Variants in PCYT1B observed in about 807,000 individuals in gnomAD.
PCYT1B encodes phosphate cytidylyltransferase 1B, choline.
A neutral mutation model predicts 26.4 loss-of-function variants in PCYT1B; 10 were observed. That is an observed-to-expected ratio of 0.38 (90% CI 0.23 to 0.64). The LOEUF is 0.64. Ranked by LOEUF, PCYT1B falls within the 30% of genes least tolerant of loss-of-function variation. The pLI is 0.56. For missense variants in PCYT1B, 161 were observed against 292.7 expected (o/e 0.55, Z 3.28); for synonymous variants, 131 against 108.4 (o/e 1.21, Z -1.29).
rs1240429836 is a variant in PCYT1B, at chrX:24,586,951, G to A, written c.565+290C>T. Among the ~76,000 whole-genome samples, 3 of 111,926 alleles carry A rather than the reference G, an allele frequency of 2.7e-5. No individual in the cohort carries two copies. The South Asian group carries it at 1.1e-3, about 42-fold the overall frequency. On this transcript the variant is annotated intron_variant, in intron 5 of 7. Transcript: ENST00000379144. The stretch of plus-strand genomic sequence containing the variant: ...AATGAGGAAAATGGCTGCCATTTAA[G>A]TAATGGGGTCCTGCACTTTTCGTCT...
chrX:24,654,191 G>A (rs758639468), intron 1 of PCYT1B, among the ~76,000 whole-genome samples: 1 of 89,008 alleles, frequency 1.1e-5, no homozygotes, highest in African/African-American at 4.3e-5. Flanking sequence ...TGCAACCTCT[G>A]CCTCCCAGGT....
chrX:24,630,978 A>T (rs1468984779), intron 1 of PCYT1B, among the ~76,000 whole-genome samples: 1 of 111,337 alleles, frequency 9.0e-6, no homozygotes, highest in Non-Finnish European at 1.9e-5. Flanking sequence ...GCTGGAGTGC[A>T]GTGGCGCGAT....
intron 3 of PCYT1B, among the ~76,000 whole-genome samples, chrX:24,592,780 C>T (rs1255470201): frequency 8.9e-6 from 1 of 111,873 alleles, no homozygotes; most frequent in Non-Finnish European, 1.9e-5. Flanking sequence ...AGCTCCCCGG[C>T]CTTGCAGTTT....
At chrX:24,655,570 G>A (rs926794092) in intron 1 of PCYT1B, among the ~76,000 whole-genome samples, 2 of 112,055 alleles carry the variant, frequency 1.8e-5, no homozygotes, top group African/African-American at 3.2e-5. Flanking sequence ...ATCACCTGAG[G>A]TCAGGAGTTC....
intron 1 of PCYT1B, among the ~76,000 whole-genome samples, chrX:24,654,096 CTTTCTTT>C (rs1208321376): frequency 3.3e-5 from 1 of 30,449 alleles, no homozygotes; most frequent in African/African-American, 8.1e-5. Context: ...TTCTTTCTTT[CTTTCTTT>C]TTTTTTTTTT....
At chrX:24,571,224 C>T (rs1272141723) in intron 7 of PCYT1B, among the ~76,000 whole-genome samples, 3 of 110,811 alleles carry the variant, frequency 2.7e-5, no homozygotes, top group Non-Finnish European at 5.7e-5. Context: ...ATTAGCCGGG[C>T]GTGGTAGCAC....
intron 1 of PCYT1B, among the ~76,000 whole-genome samples, chrX:24,670,118 AAGGAAGG>A (rs1569261927): frequency 9.0e-5 from 9 of 99,643 alleles, no homozygotes; most frequent in African/African-American, 3.5e-4. Flanking sequence ...GAAAGAAAGG[AAGGAAGG>A]AAGGAAGGAA....
At chrX:24,572,924 A>ATATG (rs1408105575) in intron 7 of PCYT1B, among the ~76,000 whole-genome samples, 1 of 104,481 alleles carries the variant, frequency 9.6e-6, no homozygotes, top group Admixed American at 1.1e-4. Flanking sequence ...CAAATTATAT[A>ATATG]TATATATATA....
At chrX:24,579,794 C>G (rs1023182669) in intron 5 of PCYT1B, among the ~76,000 whole-genome samples, 2 of 111,836 alleles carry the variant, frequency 1.8e-5, no homozygotes, top group Non-Finnish European at 3.8e-5. Flanking sequence ...CTGCAAAGTC[C>G]AGCTTCAAGG....
intron 1 of PCYT1B, among the ~76,000 whole-genome samples, chrX:24,659,732 G>A (rs1926990996): frequency 9.0e-6 from 1 of 111,540 alleles, no homozygotes; most frequent in Non-Finnish European, 1.9e-5. Context: ...AAGGGCAAGA[G>A]AAGGCAAGAG....
At chrX:24,597,755 A>G (rs754603320) in intron 3 of PCYT1B, among the ~76,000 whole-genome samples, 3 of 112,406 alleles carry the variant, frequency 2.7e-5, no homozygotes, top group East Asian at 2.8e-4. Context: ...TAGAAACTCA[A>G]TATGGTAGAG....
chrX:24,607,941 T>G, intron 2 of PCYT1B, 80 bp from the exon 3 acceptor site: 1 of 518,933 alleles, frequency 1.9e-6, no homozygotes, highest in Non-Finnish European at 3.3e-6. Context: ...TAAGAAACTT[T>G]CTGGATAAGA....
chrX:24,666,156 C>T (rs1329697975), intron 1 of PCYT1B, among the ~76,000 whole-genome samples: 1 of 111,545 alleles, frequency 9.0e-6, no homozygotes, highest in East Asian at 2.8e-4. Flanking sequence ...TTGAAACCCA[C>T]TCATTCTCCT....
rs375662642 is a variant in PCYT1B, at chrX:24,559,439, G to GA, written c.*2853dup. The GA allele has an allele frequency of 3.5e-5, 1 of 28,827 alleles. No homozygotes were observed. Among genetic ancestry groups the GA allele is most frequent in the Non-Finnish European group, 1.1e-4 (1 of 8,963 alleles). 2.4% of individuals were successfully genotyped at this position (28,827 alleles called of 1,213,427 possible). On this transcript the variant is annotated 3_prime_UTR_variant, in exon 8 of 8. Transcript: ENST00000379144. The stretch of plus-strand genomic sequence containing the variant: ...GAAAAAGAGAAAGAAGAAAGAAAAA[G>GA]AAAGAGAGAGAGAGAGAAAGAAAGA...
chrX:24,633,100 C>T (rs1393691134), intron 1 of PCYT1B, among the ~76,000 whole-genome samples: 5 of 105,867 alleles, frequency 4.7e-5, no homozygotes, highest in African/African-American at 6.9e-5. Context: ...ATCCCAGCTA[C>T]TCAGGAGGCT....
intron 7 of PCYT1B, among the ~76,000 whole-genome samples, chrX:24,565,587 C>T (rs1186512949): frequency 9.1e-6 from 1 of 110,327 alleles, no homozygotes; most frequent in Non-Finnish European, 1.9e-5. Flanking sequence ...CATGGGGTGG[C>T]AATGGTCTGG....
intron 1 of PCYT1B, among the ~76,000 whole-genome samples, chrX:24,666,027 AAC>A (rs752172343): frequency 2.0e-4 from 22 of 110,710 alleles, no homozygotes; most frequent in Non-Finnish European, 2.6e-4. Context: ...GAGCCTTGTA[AAC>A]AGTGATCACA....
rs1923403837 is a variant in PCYT1B, at chrX:24,561,250, A to G, written c.*1043T>C. On this transcript the variant is annotated 3_prime_UTR_variant, in exon 8 of 8. Coordinates refer to ENST00000379144, the MANE Select transcript of PCYT1B (RefSeq NM_004845.5). ...GAGCGCAGGAGTGGGGTCTATTATA[A>G]AATGCCACCACTATATACTCATATT... 8.9e-6 allele frequency: 1 copy of G among 112,038 alleles called. No homozygotes were observed. The highest frequency in any genetic ancestry group is 3.3e-5 in the African/African-American group (1 of 30,665). 9.2% of individuals were successfully genotyped at this position (112,038 alleles called of 1,213,427 possible). A position where few individuals can be genotyped will look rare whatever the true frequency, so the allele number is the denominator to read the frequency against.
chrX:24,561,921 G>T lies in PCYT1B; in HGVS notation c.*372C>A. On this transcript the variant is annotated 3_prime_UTR_variant, in exon 8 of 8. Coordinates refer to ENST00000379144, the MANE Select transcript of PCYT1B (RefSeq NM_004845.5). ...GACCCTTATGGACGCAGAAGTAGCA[G>T]GTTGAGGGAACAGCCGCTGCCACAG... 1 of 484,592 alleles carries T rather than the reference G, an allele frequency of 2.1e-6. No homozygotes were observed. The highest frequency in any genetic ancestry group is 3.6e-6 in the Non-Finnish European group (1 of 276,386). 39.9% of individuals were successfully genotyped at this position (484,592 alleles called of 1,213,427 possible).
Sources: gnomAD v4.1 joint callset for allele counts (sites outside exome capture counted in the v4.1 genomes callset) on GRCh38, gnomAD v4.1.1 for gene constraint, MANE v1.5 for transcripts, NCBI Gene and HGNC (gene_info 2026-07-23, HGNC 2026-07-21) for gene names.